The following DLGAP4 variants were observed in gnomAD, a reference collection of about 807,000 sequenced individuals.
The protein encoded by DLGAP4 is disks large-associated protein 4.
In DLGAP4, 18 loss-of-function variants were observed where a neutral mutation model predicts 86.9. That is an observed-to-expected ratio of 0.21 (90% CI 0.14 to 0.31). DLGAP4 has a LOEUF of 0.31. Ranked by LOEUF, DLGAP4 falls within the 10% of genes least tolerant of loss-of-function variation. The pLI, the probability that DLGAP4 is intolerant of heterozygous loss-of-function variation, is 1.00. For synonymous variants in DLGAP4, 548 were observed against 574.3 expected, an observed-to-expected ratio of 0.95 and a Z score of 0.65; for missense variants, 1,085 against 1,362.6, an observed-to-expected ratio of 0.80 and a Z score of 3.21.
rs1274638810 is a variant in DLGAP4, at chr20:36,389,640, CTTACA to C, written c.-73+22367_-73+22371del. ...CCTCTCTCTTTTTAAAAAAAATTAC[CTTACA>C]TAAGTAAGAAAAATAAATAAGAGAA... On this transcript the variant is annotated intron_variant, in intron 2 of 12. Coordinates refer to ENST00000339266, the MANE Select transcript of DLGAP4 (RefSeq NM_001365621.2). 2.6e-5 allele frequency among the ~76,000 whole-genome samples: 4 copies of C among 151,854 alleles called. No individual in the cohort carries two copies. In the East Asian group the frequency reaches 7.7e-4, roughly 29 times the overall value.
chr20:36,461,803 A>G (rs2034089628), intron 7 of DLGAP4: 1 of 958,710 alleles, frequency 1.0e-6, no homozygotes, highest in Non-Finnish European at 1.2e-6. Flanking sequence ...CCAGTCCTCC[A>G]GCCCGTGTCC....
At chr20:36,373,946 A>G (rs1418568188) in intron 2 of DLGAP4, among the ~76,000 whole-genome samples, 2 of 151,308 alleles carry the variant, frequency 1.3e-5, no homozygotes, top group Admixed American at 6.6e-5. Flanking sequence ...CTAAGGTGGA[A>G]GAATCGCTTG....
At chr20:36,484,692 C>T (rs1324209036) in intron 7 of DLGAP4, among the ~76,000 whole-genome samples, 3 of 152,250 alleles carry the variant, frequency 2.0e-5, no homozygotes, top group Non-Finnish European at 4.4e-5. Context: ...AAGGTTCCCA[C>T]CAGGCTCCTG....
chr20:36,446,985 C>T (rs776067423), intron 7 of DLGAP4, 48 bp downstream of exon 7: 3 of 1,556,108 alleles, frequency 1.9e-6, no homozygotes, highest in Non-Finnish European at 2.6e-6. Flanking sequence ...TCAAGGGGAC[C>T]CCAAGGACCA....
chr20:36,462,599 T>A (rs1469442152), intron 7 of DLGAP4: 1 of 1,596,422 alleles, frequency 6.3e-7, no homozygotes, highest in Non-Finnish European at 8.5e-7. Context: ...CTTGAAGCAA[T>A]GTGAGTGGTG....
chr20:36,329,127 C>A (rs2065243969), intron 1 of DLGAP4, among the ~76,000 whole-genome samples: 1 of 152,154 alleles, frequency 6.6e-6, no homozygotes, highest in African/African-American at 2.4e-5. Context: ...GCAGGCCGGT[C>A]TTGAACGCCT....
intron 1 of DLGAP4, among the ~76,000 whole-genome samples, chr20:36,364,368 A>G (rs1482196333): frequency 6.6e-6 from 1 of 152,166 alleles, no homozygotes; most frequent in Non-Finnish European, 1.5e-5. Flanking sequence ...GCAACATAGC[A>G]AGACTCCATC....
chr20:36,318,737 C>G (rs1166075579), intron 1 of DLGAP4, among the ~76,000 whole-genome samples: 1 of 152,136 alleles, frequency 6.6e-6, no homozygotes, highest in Non-Finnish European at 1.5e-5. Flanking sequence ...GGCAGGGAGG[C>G]TCTGGCTGGG....
At chr20:36,494,621 G>A (rs1055197455) in intron 7 of DLGAP4, among the ~76,000 whole-genome samples, 43 of 152,106 alleles carry the variant, frequency 2.8e-4, no homozygotes, top group Admixed American at 2.0e-4. Context: ...GTGTGTTAGT[G>A]CTATGCAGTT....
intron 10 of DLGAP4, among the ~76,000 whole-genome samples, 169 bp from the exon 11 acceptor site, chr20:36,524,077 TTGTG>T (rs559326956): frequency 6.6e-6 from 1 of 152,174 alleles, no homozygotes; most frequent in Non-Finnish European, 1.5e-5. Context: ...TTTATATTGT[TTGTG>T]TTTTTCTCAA....
chr20:36,459,329 CTGTT>C (rs768034668), intron 7 of DLGAP4, among the ~76,000 whole-genome samples: 4 of 152,208 alleles, frequency 2.6e-5, no homozygotes, highest in Non-Finnish European at 4.4e-5. Flanking sequence ...AATACAAACA[CTGTT>C]TGACACTGCC....
At chr20:36,378,870 G>A (rs1279538299) in intron 2 of DLGAP4, among the ~76,000 whole-genome samples, 1 of 152,144 alleles carries the variant, frequency 6.6e-6, no homozygotes, top group African/African-American at 2.4e-5. Context: ...GAAGGCGTGG[G>A]AAGCAAGTTT....
At chr20:36,463,936 G>A (rs1333479772) in intron 7 of DLGAP4, among the ~76,000 whole-genome samples, 1 of 152,214 alleles carries the variant, frequency 6.6e-6, no homozygotes, top group Non-Finnish European at 1.5e-5. Flanking sequence ...ACCCACAGAG[G>A]TTTGAGCCAG....
At chr20:36,491,119 G>C (rs946672716) in intron 7 of DLGAP4, among the ~76,000 whole-genome samples, 3 of 151,628 alleles carry the variant, frequency 2.0e-5, no homozygotes, top group African/African-American at 7.3e-5. Flanking sequence ...TGAGGCCTGG[G>C]AAGTGGAGGA....
At chr20:36,427,230 A>G (rs560731077) in intron 2 of DLGAP4, among the ~76,000 whole-genome samples, 11 of 151,958 alleles carry the variant, frequency 7.2e-5, no homozygotes, top group African/African-American at 2.4e-4. Context: ...TGTAATCTCA[A>G]CACTTTGGGA....
chr20:36,454,689 A>G (rs2033834470), intron 7 of DLGAP4, among the ~76,000 whole-genome samples: 1 of 152,182 alleles, frequency 6.6e-6, no homozygotes, highest in African/African-American at 2.4e-5. Context: ...ACGTTGCTGA[A>G]GGGCATGAAA....
intron 1 of DLGAP4, among the ~76,000 whole-genome samples, chr20:36,312,796 C>T (rs1200891588): frequency 6.6e-6 from 1 of 152,134 alleles, no homozygotes; most frequent in African/African-American, 2.4e-5. Flanking sequence ...GTTTTTCTTC[C>T]TGCAGTGACA....
chr20:36,313,122 A>G (rs1024717188), intron 1 of DLGAP4, among the ~76,000 whole-genome samples: 61 of 151,942 alleles, frequency 4.0e-4, no homozygotes, highest in Admixed American at 3.3e-3. Flanking sequence ...TGGCTTCTCC[A>G]CTGCCCTCTA....
intron 7 of DLGAP4, among the ~76,000 whole-genome samples, chr20:36,449,468 T>C (rs2033679188): frequency 6.6e-6 from 1 of 152,222 alleles, no homozygotes; most frequent in African/African-American, 2.4e-5. Context: ...AGTCCTGCTG[T>C]TACCGGTAGC....
Sources: allele counts gnomAD v4.1 joint callset (sites outside exome capture counted in the v4.1 genomes callset), GRCh38; gene constraint gnomAD v4.1.1; transcripts MANE v1.5; gene names NCBI Gene and HGNC (gene_info 2026-07-23, HGNC 2026-07-21).